Variants in ESR1 observed in about 807,000 individuals in gnomAD.
The protein encoded by ESR1 is estrogen receptor 1.
Under a neutral mutation model 52.7 loss-of-function variants are expected in ESR1, and 12 were observed. The ratio of observed to expected loss-of-function variants is 0.23; its 90% CI spans 0.15 to 0.37. The LOEUF (loss-of-function observed/expected upper bound fraction) is 0.37, where lower values mean the gene tolerates loss of function less well. ESR1 is among the 10% of genes least tolerant of loss of function. The pLI, the probability that ESR1 is intolerant of heterozygous loss-of-function variation, is 1.00. For missense variants in ESR1, 584 were observed against 779.7 expected (o/e 0.75, Z 2.99); for synonymous variants, 305 against 316.8 (o/e 0.96, Z 0.39).
chr6:152,031,183 G>T (rs1405865996), intron 5 of ESR1, among the ~76,000 whole-genome samples: 1 of 152,214 alleles, frequency 6.6e-6, no homozygotes, highest in Non-Finnish European at 1.5e-5. Context: ...GCAAGAGAAA[G>T]CAGGAAAGAT....
intron 3 of ESR1, among the ~76,000 whole-genome samples, chr6:151,919,952 T>G (rs1393370502): frequency 6.6e-6 from 1 of 152,194 alleles, no homozygotes; most frequent in Non-Finnish European, 1.5e-5. Flanking sequence ...TATAAACAGC[T>G]GCAACATGAT....
intron 2 of ESR1, among the ~76,000 whole-genome samples, chr6:151,776,283 A>C (rs1333998863): frequency 6.6e-6 from 1 of 152,134 alleles, no homozygotes; most frequent in East Asian, 1.9e-4. Context: ...TATTAGGAAA[A>C]AGAGACCCAG....
At chr6:151,730,367 C>T (rs566893027) in intron 2 of ESR1, among the ~76,000 whole-genome samples, 1 of 152,154 alleles carries the variant, frequency 6.6e-6, no homozygotes, top group Non-Finnish European at 1.5e-5. Context: ...TGGTCTGGTC[C>T]CTTCACTGGT....
intron 4 of ESR1, among the ~76,000 whole-genome samples, chr6:152,003,558 C>T (rs1335723086): frequency 6.6e-6 from 1 of 151,838 alleles, no homozygotes; most frequent in Non-Finnish European, 1.5e-5. Flanking sequence ...ACCTGTGCTT[C>T]CTGATGGTGG....
At chr6:151,749,068 A>G (rs1783699090) in intron 2 of ESR1, among the ~76,000 whole-genome samples, 1 of 152,120 alleles carries the variant, frequency 6.6e-6, no homozygotes, top group African/African-American at 2.4e-5. Context: ...ATAAATCAAT[A>G]AGCATAATGG....
chr6:151,901,980 G>T (rs1187728466), intron 3 of ESR1, among the ~76,000 whole-genome samples: 1 of 152,132 alleles, frequency 6.6e-6, no homozygotes, highest in African/African-American at 2.4e-5. Context: ...TGGCCTTGAC[G>T]TATTACATTT....
At chr6:151,888,150 GT>G (rs1471323809) in intron 3 of ESR1, among the ~76,000 whole-genome samples, 1 of 151,882 alleles carries the variant, frequency 6.6e-6, no homozygotes, top group Admixed American at 6.6e-5. Flanking sequence ...GCTATTCAGG[GT>G]TTTTTTGTGG....
At chr6:151,727,811 C>T (rs1781954268) in intron 2 of ESR1, among the ~76,000 whole-genome samples, 1 of 152,138 alleles carries the variant, frequency 6.6e-6, no homozygotes, top group South Asian at 2.1e-4. Flanking sequence ...GCCTCTTCCC[C>T]CTTCGCTACT....
rs187424098 is a variant in ESR1 at position 151,793,902 on chromosome 6, C to T, written c.-70-13941C>T. ...CCCAGAGAGAAATTAAACCTGCTTG[C>T]TTAACTTATTAATTTTAAATTCATG... On this transcript the variant is annotated intron_variant, in intron 2 of 2. Coordinates refer to the ESR1 transcript ENST00000404742. 2.7e-3 allele frequency among the ~76,000 whole-genome samples: 405 copies of T among 152,324 alleles called. 1 individual carries two copies. The highest frequency in any genetic ancestry group is 9.2e-3 in the African/African-American group (383 of 41,576).
At chr6:152,054,426 T>A (rs1039991601) in intron 5 of ESR1, among the ~76,000 whole-genome samples, 1 of 152,076 alleles carries the variant, frequency 6.6e-6, no homozygotes, top group Non-Finnish European at 1.5e-5. Context: ...TAGCCCTGAT[T>A]TCTCTTTATC....
At chr6:151,782,227 T>A (rs1786611845) in intron 2 of ESR1, among the ~76,000 whole-genome samples, 1 of 152,212 alleles carries the variant, frequency 6.6e-6, no homozygotes, top group African/African-American at 2.4e-5. Context: ...GGAAGACATT[T>A]AAGAGTATTT....
intron 6 of ESR1, among the ~76,000 whole-genome samples, chr6:152,068,863 C>A (rs1292771181): frequency 7.1e-6 from 1 of 139,976 alleles, no homozygotes; most frequent in Non-Finnish European, 1.5e-5. Flanking sequence ...GCACTGCCTG[C>A]ATAAAAATGA....
At chr6:151,703,926 G>A (rs1209900117) in intron 2 of ESR1, among the ~76,000 whole-genome samples, 1 of 152,182 alleles carries the variant, frequency 6.6e-6, no homozygotes. Context: ...GATTCTAGAC[G>A]CTATTGCGCA....
In ESR1 at chr6:151,974,844, C is replaced by G. The variant is rs536498225; in HGVS notation, c.1096+30336C>G. Among the ~76,000 whole-genome samples the G allele has an allele frequency of 4.6e-5, 7 of 152,280 alleles. No individual in the cohort carries two copies. In the East Asian group the frequency reaches 9.6e-4, roughly 21 times the overall value. Reference sequence around the variant, plus strand: ...AAAGCCGTCTTCACTATTTTGCTCCCTCTCTGACTCGCTCTGTCTCTGCCT... The same window carrying G: ...AAAGCCGTCTTCACTATTTTGCTCCGTCTCTGACTCGCTCTGTCTCTGCCT... On this transcript the variant is annotated intron_variant, in intron 4 of 7. Coordinates refer to ENST00000206249, the MANE Select transcript of ESR1 (RefSeq NM_000125.4).
intron 3 of ESR1, among the ~76,000 whole-genome samples, chr6:151,892,135 A>G (rs1039729627): frequency 2.6e-5 from 4 of 152,202 alleles, no homozygotes; most frequent in Admixed American, 2.6e-4. Context: ...CCTACTACCT[A>G]GGAACCTTGG....
At chr6:151,910,700 G>C (rs1157014590) in intron 3 of ESR1, among the ~76,000 whole-genome samples, 1 of 152,158 alleles carries the variant, frequency 6.6e-6, no homozygotes, top group Non-Finnish European at 1.5e-5. Context: ...TTGAAAGTAG[G>C]CCATTGGTAA....
chr6:151,906,783 C>A (rs1797522942), intron 3 of ESR1, among the ~76,000 whole-genome samples: 1 of 149,498 alleles, frequency 6.7e-6, no homozygotes, highest in African/African-American at 2.5e-5. Context: ...CGTATTTTTT[C>A]TTTATAGTTT....
upstream of ESR1, chr6:151,807,569 T>A: frequency 2.2e-6 from 1 of 445,496 alleles, no homozygotes. Flanking sequence ...CCTGGAGTGA[T>A]GTTTAAGCCA....
In ESR1 at chr6:152,061,046, A is replaced by G. The variant is rs1204611622; in HGVS notation, c.1291A>G (p.Thr431Ala). 1.2e-6 allele frequency: 2 copies of G among 1,612,736 alleles called. No homozygotes were observed. The highest frequency in any genetic ancestry group is 1.7e-6 in the Non-Finnish European group (2 of 1,178,978). ...GGAGATCTTCGACATGCTGCTGGCT[A>G]CATCATCTCGGTTCCGCATGATGAA... ...MVEIFDMLLA[T>A]SSRFRMMNLQ... is the part of the protein sequence containing the mutation. Residue 431 changes from threonine (T) to alanine (A), a missense_variant, in exon 6 of 8, where the codon ACA (threonine) becomes GCA (alanine). Around this residue, in one of 6 missense-constraint regions of ESR1, gnomAD observed 141 missense variants for 289.3 expected, o/e 0.49. Coordinates refer to ENST00000206249, the MANE Select transcript of ESR1 (RefSeq NM_000125.4). The surrounding 1 kb of genome is among the most constrained non-coding windows in gnomAD (Gnocchi z 4.3).
Sources: allele counts gnomAD v4.1 joint callset (sites outside exome capture counted in the v4.1 genomes callset), GRCh38; gene constraint gnomAD v4.1.1; regional missense constraint gnomAD v4.1.1; non-coding constraint Gnocchi (gnomAD v3.1); transcripts MANE v1.5; gene names NCBI Gene and HGNC (gene_info 2026-07-23, HGNC 2026-07-21).